Variants in UBXN7 observed in about 807,000 individuals in gnomAD.
UBXN7 encodes the protein UBX domain-containing protein 7.
A neutral mutation model predicts 58.0 loss-of-function variants in UBXN7; 9 were observed. The observed-to-expected ratio is 0.16, with a 90% CI of 0.09 to 0.27. UBXN7 has a LOEUF of 0.27. UBXN7 is among the 10% of genes least tolerant of loss of function. UBXN7 has a pLI of 1.00. For synonymous variants in UBXN7, 208 were observed against 205.0 expected (o/e 1.01, Z -0.12); for missense variants, 328 against 599.6 (o/e 0.55, Z 4.73).
At chr3:196,374,903 GA>G (rs1309931612) in intron 5 of UBXN7, among the ~76,000 whole-genome samples, 4 of 6,582 alleles carry the variant, frequency 6.1e-4, no homozygotes, top group Non-Finnish European at 1.1e-3. Context: ...GGGAGGGGGG[GA>G]GGGGGAGGGG....
At position 196,353,153 on chromosome 3, in the gene UBXN7, A is replaced by C. The variant is rs1473017263; in HGVS notation, c.*3532T>G. ...CTTTACAAAGCCAAACAATGAGAAG[A>C]GAATCATCTGGGTAGCTTGATTCTC... On this transcript the variant is annotated 3_prime_UTR_variant, in exon 11 of 11. Coordinates refer to ENST00000296328, the MANE Select transcript of UBXN7 (RefSeq NM_015562.2). 1 of 152,244 alleles carries C rather than the reference A, an allele frequency of 6.6e-6. No homozygotes were observed. Among genetic ancestry groups the C allele is most frequent in the Non-Finnish European group, 1.5e-5 (1 of 68,046 alleles). 9.4% of individuals were successfully genotyped at this position (152,244 alleles called of 1,614,324 possible). A position where few individuals can be genotyped will look rare whatever the true frequency, so the allele number is the denominator to read the frequency against.
rs1018992952 is a variant in UBXN7 at position 196,351,703 on chromosome 3, G to A, written c.*4982C>T. On this transcript the variant is annotated 3_prime_UTR_variant, in exon 11 of 11. Transcript: ENST00000296328. ...CGAGAAACCAGAGATTAAGAAGAAA[G>A]AGAAGTGTGAAGGTAACAACTAGCA... 3.3e-5 allele frequency: 5 copies of A among 152,178 alleles called. No individual in the cohort carries two copies. Among genetic ancestry groups the A allele is most frequent in the African/African-American group, 1.2e-4 (5 of 41,432 alleles). 9.4% of individuals were successfully genotyped at this position (152,178 alleles called of 1,614,324 possible).
chr3:196,357,747 C>A (rs1728390195), intron 10 of UBXN7, among the ~76,000 whole-genome samples: 1 of 152,196 alleles, frequency 6.6e-6, no homozygotes, highest in South Asian at 2.1e-4. Flanking sequence ...GTAATCCCAA[C>A]TACTTGGGAG....
intron 1 of UBXN7, among the ~76,000 whole-genome samples, chr3:196,415,478 A>G (rs968218228): frequency 6.9e-5 from 10 of 144,028 alleles, no homozygotes; most frequent in African/African-American, 2.0e-4. Flanking sequence ...TGAATGCTGG[A>G]CTATACAAGT....
chr3:196,419,253 T>A (rs1730600348), intron 1 of UBXN7, among the ~76,000 whole-genome samples: 1 of 151,886 alleles, frequency 6.6e-6, no homozygotes, highest in Non-Finnish European at 1.5e-5. Flanking sequence ...CTGCACTCTG[T>A]TGCCTGGGCA....
At chr3:196,375,183 C>CCCCACACA in intron 5 of UBXN7, among the ~76,000 whole-genome samples, 1 of 139,820 alleles carries the variant, frequency 7.2e-6, no homozygotes, top group South Asian at 2.4e-4. Flanking sequence ...GGTGCTCTTA[C>CCCCACACA]CACACACACA....
At chr3:196,367,479 C>T (rs1728703532) in intron 8 of UBXN7, among the ~76,000 whole-genome samples, 2 of 152,154 alleles carry the variant, frequency 1.3e-5, no homozygotes, top group African/African-American at 2.4e-5. Context: ...ACAAAAAACA[C>T]CACTTCCAGC....
At chr3:196,364,032 T>C (rs567384290) in intron 8 of UBXN7, among the ~76,000 whole-genome samples, 1 of 152,302 alleles carries the variant, frequency 6.6e-6, no homozygotes, top group East Asian at 1.9e-4. Flanking sequence ...CACCATTCTT[T>C]AAAATGACTA....
chr3:196,411,180 G>C (rs1284254462), intron 1 of UBXN7, among the ~76,000 whole-genome samples: 4 of 152,154 alleles, frequency 2.6e-5, no homozygotes, highest in African/African-American at 9.7e-5. Context: ...CAAAAGAATA[G>C]AAGGTTCTTG....
rs1214683531 is a variant in UBXN7 at position 196,432,369 on chromosome 3, A to C, written c.31T>G (p.Ser11Ala). 1.9e-6 allele frequency: 3 copies of C among 1,597,662 alleles called. No individual in the cohort carries two copies. Residue 11 changes from serine to alanine, a missense_variant, in exon 1 of 11, where the codon TCG becomes GCG. Around this residue, in one of 4 missense-constraint regions of UBXN7, gnomAD observed 106 missense variants for 124.3 expected, o/e 0.85. Coordinates refer to ENST00000296328, the MANE Select transcript of UBXN7 (RefSeq NM_015562.2). MAAHGGSAAS[S>A]ALKGLIQQFT... is the part of the protein sequence containing the mutation. The stretch of plus-strand genomic sequence containing the variant: ...TGTTGAATTAACCCCTTCAGCGCCG[A>C]GGACGCCGCGGAGCCCCCGTGGGCA...
intron 10 of UBXN7, among the ~76,000 whole-genome samples, chr3:196,360,174 G>A (rs1728467879): frequency 6.6e-6 from 1 of 152,250 alleles, no homozygotes; most frequent in Non-Finnish European, 1.5e-5. Context: ...GCAAGGTGAA[G>A]CAGCAAGTGC....
At chr3:196,367,941 T>C in intron 8 of UBXN7, 87 bp downstream of exon 8, 2 of 1,526,252 alleles carry the variant, frequency 1.3e-6, no homozygotes, top group South Asian at 2.7e-5. Flanking sequence ...TAGATTATCT[T>C]TACCATCTTA....
chr3:196,416,806 C>T (rs1730499325), intron 1 of UBXN7, among the ~76,000 whole-genome samples: 1 of 152,178 alleles, frequency 6.6e-6, no homozygotes, highest in Non-Finnish European at 1.5e-5. Context: ...TTAATTCAAT[C>T]ATATTGCCTT....
At chr3:196,396,848 TA>T (rs1315973801) in intron 3 of UBXN7, among the ~76,000 whole-genome samples, 1 of 152,202 alleles carries the variant, frequency 6.6e-6, no homozygotes, top group East Asian at 1.9e-4. Context: ...AGGTAGCACA[TA>T]AAAGGTAATT....
chr3:196,427,418 C>T lies in UBXN7; in HGVS notation c.73+4909G>A, dbSNP rs188738332. Among the ~76,000 whole-genome samples the T allele has an allele frequency of 1.3e-3, 194 of 152,176 alleles. 2 individuals carry two copies. Among genetic ancestry groups the T allele is most frequent in the African/African-American group, 4.5e-3 (187 of 41,520 alleles). ...CTGCAACCTCCGTCTCCTGGGTTCA[C>T]GAGATTCTCCTGCCTCAGCCTCCTG... On this transcript the variant is annotated intron_variant, in intron 1 of 10. Transcript: ENST00000296328.
chr3:196,395,079 T>A (rs1384899724), intron 3 of UBXN7, among the ~76,000 whole-genome samples: 1 of 152,206 alleles, frequency 6.6e-6, no homozygotes, highest in African/African-American at 2.4e-5. Context: ...CATGATTCCC[T>A]CAATATGGGT....
intron 5 of UBXN7, among the ~76,000 whole-genome samples, chr3:196,376,258 T>C (rs983577187): frequency 6.6e-6 from 1 of 152,018 alleles, no homozygotes; most frequent in Non-Finnish European, 1.5e-5. Flanking sequence ...AAATGTTATA[T>C]ATTGCCAGGG....
At chr3:196,409,903 T>C (rs1730268413) in intron 1 of UBXN7, among the ~76,000 whole-genome samples, 1 of 152,124 alleles carries the variant, frequency 6.6e-6, no homozygotes, top group Admixed American at 6.6e-5. Flanking sequence ...TCTTCATTTT[T>C]AGCCTGGTGC....
chr3:196,387,267 C>T (rs905783148), intron 5 of UBXN7, among the ~76,000 whole-genome samples: 1 of 152,180 alleles, frequency 6.6e-6, no homozygotes, highest in African/African-American at 2.4e-5. Flanking sequence ...CCCTTCCTTA[C>T]ACCTTATACA....
Sources: allele counts gnomAD v4.1 joint callset (sites outside exome capture counted in the v4.1 genomes callset), GRCh38; gene constraint gnomAD v4.1.1; regional missense constraint gnomAD v4.1.1; transcripts MANE v1.5; gene names NCBI Gene and HGNC (gene_info 2026-07-23, HGNC 2026-07-21).